The following NARS2 variants were observed in gnomAD, a reference collection of about 807,000 sequenced individuals.
The protein encoded by NARS2 is asparaginyl-tRNA synthetase 2, mitochondrial.
In NARS2, 60 loss-of-function variants were observed where a neutral mutation model predicts 62.9. The observed-to-expected ratio is 0.95, with a 90% CI of 0.77 to 1.18. The LOEUF (loss-of-function observed/expected upper bound fraction) is 1.18. Ranked by LOEUF, NARS2 falls within the 50% of genes most tolerant of loss-of-function variation. The pLI is 0.00. For synonymous variants in NARS2, 196 were observed against 200.0 expected, an observed-to-expected ratio of 0.98 and a Z score of 0.17; for missense variants, 619 against 576.4, an observed-to-expected ratio of 1.07 and a Z score of -0.76.
rs769014829 is a variant in NARS2 at position 78,478,423 on chromosome 11, A to G, written c.959+15T>C. On this transcript the variant is annotated intron_variant, in intron 9 of 13. Coordinates refer to ENST00000281038, the MANE Select transcript of NARS2 (RefSeq NM_024678.6). ...TGATAATGAATAAAGTTCAAAAAGTATAACATCTACTTACATTAAAAAGTT... is the reference window on the plus strand; with the variant it reads ...TGATAATGAATAAAGTTCAAAAAGTGTAACATCTACTTACATTAAAAAGTT... The G allele has an allele frequency of 2.0e-6, 2 of 1,024,484 alleles. No homozygotes were observed. Among genetic ancestry groups the G allele is most frequent in the Non-Finnish European group, 2.8e-6 (2 of 724,548 alleles). 63.5% of individuals were successfully genotyped at this position (1,024,484 alleles called of 1,614,324 possible).
intron 9 of NARS2, 39 bp from the exon 10 acceptor site, chr11:78,469,352 C>T (rs746714131): frequency 6.8e-7 from 1 of 1,464,548 alleles, no homozygotes. Context: ...AAAGTCAATA[C>T]AATGGAGCTG....
intron 11 of NARS2, among the ~76,000 whole-genome samples, chr11:78,465,023 C>T (rs1054305004): frequency 7.2e-5 from 11 of 152,174 alleles, no homozygotes; most frequent in Non-Finnish European, 1.5e-4. Flanking sequence ...GAGCAGGGGG[C>T]GGCGCTCGTC....
intron 11 of NARS2, among the ~76,000 whole-genome samples, chr11:78,449,705 T>C (rs1857896758): frequency 6.6e-6 from 1 of 152,186 alleles, no homozygotes; most frequent in South Asian, 2.1e-4. Flanking sequence ...TTCTTTGTTG[T>C]GGAGGCCTCA....
chr11:78,480,472 C>T (rs1859301398), intron 7 of NARS2, among the ~76,000 whole-genome samples: 1 of 152,012 alleles, frequency 6.6e-6, no homozygotes, highest in South Asian at 2.1e-4. Flanking sequence ...CCAGGCTGGT[C>T]TTGAACTCTT....
intron 5 of NARS2, among the ~76,000 whole-genome samples, chr11:78,541,525 C>CGG (rs1855622108): frequency 6.6e-6 from 1 of 152,018 alleles, no homozygotes; most frequent in Non-Finnish European, 1.5e-5. Context: ...ATATTAGTCT[C>CGG]TCCTAAGTAT....
intron 11 of NARS2, among the ~76,000 whole-genome samples, chr11:78,456,443 C>A (rs1465411968): frequency 6.6e-6 from 1 of 152,134 alleles, no homozygotes; most frequent in Non-Finnish European, 1.5e-5. Context: ...TCTCTTTAGT[C>A]CTAGATATGG....
chr11:78,461,870 T>C (rs548336032), intron 11 of NARS2, among the ~76,000 whole-genome samples: 25 of 151,876 alleles, frequency 1.6e-4, no homozygotes, highest in Non-Finnish European at 3.1e-4. Flanking sequence ...GGAGAATTGC[T>C]TGAACCCGGG....
rs773091297 is a variant in NARS2 at position 78,504,110 on chromosome 11, C to T, written c.690-10915G>A. The stretch of plus-strand genomic sequence containing the variant: ...AAGAAAACTTCTGAGATAACTCTTT[C>T]TACAGTAGTCCCTAAAATACTATCT... On this transcript the variant is annotated intron_variant, in intron 6 of 13. Coordinates refer to ENST00000281038, the MANE Select transcript of NARS2 (RefSeq NM_024678.6). 8.9e-4 allele frequency among the ~76,000 whole-genome samples: 136 copies of T among 152,320 alleles called. 1 individual carries two copies. The highest frequency in any genetic ancestry group is 8.7e-4 in the Non-Finnish European group (59 of 68,024).
chr11:78,502,991 C>CAAAAA (rs550751384), intron 6 of NARS2, among the ~76,000 whole-genome samples: 2 of 82,932 alleles, frequency 2.4e-5, no homozygotes, highest in African/African-American at 6.3e-5. Flanking sequence ...GAGACTGTCT[C>CAAAAA]AAAAAAAAAA....
At chr11:78,463,713 CAAAAAA>C (rs10649252) in intron 11 of NARS2, among the ~76,000 whole-genome samples, 2 of 47,986 alleles carry the variant, frequency 4.2e-5, no homozygotes, top group Non-Finnish European at 7.3e-5. Context: ...TAGTTAAGGT[CAAAAAA>C]AAAAAAAAAA....
At chr11:78,574,281 G>C in intron 1 of NARS2, 67 bp downstream of exon 1, 1 of 1,596,082 alleles carries the variant, frequency 6.3e-7, no homozygotes, top group Non-Finnish European at 8.6e-7. Context: ...TAAAAGAAAA[G>C]CTAGATGTGG....
At chr11:78,550,768 C>G (rs766424860) in intron 5 of NARS2, among the ~76,000 whole-genome samples, 2 of 152,114 alleles carry the variant, frequency 1.3e-5, no homozygotes, top group Non-Finnish European at 2.9e-5. Context: ...TTCATCCACA[C>G]AAAAACTTTT....
chr11:78,444,703 A>G (rs1857690729), intron 11 of NARS2, among the ~76,000 whole-genome samples: 1 of 144,294 alleles, frequency 6.9e-6, no homozygotes, highest in African/African-American at 2.6e-5. Context: ...TGGGCGACAG[A>G]GCAAGACTCT....
chr11:78,564,078 T>C (rs1015211448), intron 4 of NARS2, among the ~76,000 whole-genome samples: 8 of 151,252 alleles, frequency 5.3e-5, no homozygotes, highest in African/African-American at 1.7e-4. Flanking sequence ...TTTTTGTATT[T>C]TAGTAAAGAC....
At chr11:78,563,847 A>AC (rs1390082108) in intron 4 of NARS2, among the ~76,000 whole-genome samples, 3,232 of 66,014 alleles carry the variant, frequency 0.049, 326 homozygotes, top group African/African-American at 0.18. Context: ...AAAAAAAAAA[A>AC]AAAAATATAT....
intron 11 of NARS2, among the ~76,000 whole-genome samples, chr11:78,451,999 T>G (rs926065267): frequency 2.0e-5 from 3 of 152,214 alleles, no homozygotes; most frequent in African/African-American, 7.2e-5. Context: ...GGAAATGAGC[T>G]GCAAGCTTTT....
chr11:78,437,659 C>T (rs1259958679), intron 13 of NARS2, among the ~76,000 whole-genome samples: 1 of 152,040 alleles, frequency 6.6e-6, no homozygotes, highest in African/African-American at 2.4e-5. Context: ...TGGGGAAATT[C>T]TTGAGTTATA....
At chr11:78,503,581 G>A (rs138324459) in intron 6 of NARS2, among the ~76,000 whole-genome samples, 53 of 152,248 alleles carry the variant, frequency 3.5e-4, no homozygotes, top group Non-Finnish European at 5.7e-4. Flanking sequence ...AAAGTAAAAG[G>A]CACAGATAAT....
rs1187771456 is a variant in NARS2, at chr11:78,459,206, C to T, written c.1164+6670G>A. ...CTGGGATTACAAGCATGAGCCACGG[C>T]GCCGGTCAATCTGATGATCTGATGG... is the stretch of plus-strand genomic sequence containing the variant. On this transcript the variant is annotated intron_variant, in intron 11 of 13. Coordinates refer to ENST00000281038, the MANE Select transcript of NARS2 (RefSeq NM_024678.6). 4.3e-4 allele frequency among the ~76,000 whole-genome samples: 64 copies of T among 149,514 alleles called. 2 individuals are homozygous for T. The highest frequency in any genetic ancestry group is 1.5e-3 in the African/African-American group (59 of 40,132).
Sources: allele counts gnomAD v4.1 joint callset (sites outside exome capture counted in the v4.1 genomes callset), GRCh38; gene constraint gnomAD v4.1.1; transcripts MANE v1.5; gene names NCBI Gene and HGNC (gene_info 2026-07-23, HGNC 2026-07-21).